The following FSIP1 variants were observed in gnomAD, a reference collection of about 807,000 sequenced individuals.
FSIP1 encodes fibrous sheath-interacting protein 1.
In FSIP1, 65 loss-of-function variants were observed where a neutral mutation model predicts 60.9. The ratio of observed to expected loss-of-function variants is 1.07; its 90% CI spans 0.87 to 1.31. The LOEUF (loss-of-function observed/expected upper bound fraction) is 1.31, where lower values mean the gene tolerates loss of function less well. Among genes scored for constraint, FSIP1 ranks in the 40% most tolerant of loss-of-function variants. FSIP1 has a pLI of 0.00. For missense variants in FSIP1, 675 were observed against 665.5 expected (o/e 1.01, Z -0.16); for synonymous variants, 209 against 221.2 (o/e 0.94, Z 0.49).
intron 10 of FSIP1, among the ~76,000 whole-genome samples, chr15:39,691,119 T>C (rs1315909459): frequency 6.6e-6 from 1 of 152,228 alleles, no homozygotes; most frequent in East Asian, 1.9e-4. Flanking sequence ...CCTGTCACTC[T>C]TCTCCCAGAA....
At chr15:39,678,321 A>ACAACC (rs1303672618) in intron 10 of FSIP1, among the ~76,000 whole-genome samples, 25 of 152,118 alleles carry the variant, frequency 1.6e-4, no homozygotes, top group Admixed American at 1.6e-3. Context: ...AAACTATCCG[A>ACAACC]CAACCACAAA....
chr15:39,675,087 T>G (rs572709003), intron 10 of FSIP1, among the ~76,000 whole-genome samples: 2 of 152,286 alleles, frequency 1.3e-5, no homozygotes, highest in South Asian at 4.1e-4. Flanking sequence ...AGTATTTGAA[T>G]AAATATTTGA....
In FSIP1 at chr15:39,737,995, C is replaced by T. The variant is rs112117372; in HGVS notation, c.891+96G>A. 564 of 736,962 alleles carry T rather than the reference C, an allele frequency of 7.7e-4. 3 individuals are homozygous for T. In the African/African-American group the frequency reaches 8.1e-3, roughly 11 times the overall value. 45.7% of individuals were successfully genotyped at this position (736,962 alleles called of 1,614,324 possible). A position where few individuals can be genotyped will look rare whatever the true frequency, so the allele number is the denominator to read the frequency against. On this transcript the variant is annotated intron_variant, in intron 8 of 11. Coordinates refer to ENST00000350221, the MANE Select transcript of FSIP1 (RefSeq NM_152597.5). ...AATCAAAGAATAATGTCTCAGAATC[C>T]GAAAAATTATTGTAAATTTATGATA...
chr15:39,620,353 C>T (rs1224884001), intron 10 of FSIP1, among the ~76,000 whole-genome samples: 1 of 152,058 alleles, frequency 6.6e-6, no homozygotes, highest in Non-Finnish European at 1.5e-5. Context: ...ACCATTACAG[C>T]AACCCAATAT....
intron 10 of FSIP1, among the ~76,000 whole-genome samples, chr15:39,679,491 T>A (rs1894075948): frequency 6.6e-6 from 1 of 152,058 alleles, no homozygotes; most frequent in Admixed American, 6.5e-5. Context: ...CATCCCAGCA[T>A]TTTGGGAGGC....
intron 10 of FSIP1, among the ~76,000 whole-genome samples, chr15:39,706,795 T>C (rs1895291287): frequency 6.6e-6 from 1 of 152,242 alleles, no homozygotes; most frequent in African/African-American, 2.4e-5. Flanking sequence ...ATATGTATAT[T>C]GTTCCAGGAC....
chr15:39,734,100 C>A (rs954992714), intron 8 of FSIP1, among the ~76,000 whole-genome samples: 9 of 152,078 alleles, frequency 5.9e-5, no homozygotes, highest in African/African-American at 2.2e-4. Flanking sequence ...AAGACACACA[C>A]AAATATAATC....
At chr15:39,719,728 A>T (rs998926241) in intron 9 of FSIP1, among the ~76,000 whole-genome samples, 1 of 152,234 alleles carries the variant, frequency 6.6e-6, no homozygotes, top group Admixed American at 6.5e-5. Flanking sequence ...TACCAAAAGC[A>T]GGGAAAAAGA....
chr15:39,627,830 A>G (rs957419888), intron 10 of FSIP1, among the ~76,000 whole-genome samples: 2 of 152,340 alleles, frequency 1.3e-5, no homozygotes, highest in African/African-American at 4.8e-5. Context: ...TCACTAATGA[A>G]GCAGCAGCAA....
chr15:39,765,741 G>C lies in FSIP1; in HGVS notation c.316C>G (p.Pro106Ala), dbSNP rs765408106. 1.3e-6 allele frequency: 2 copies of C among 1,507,024 alleles called. No individual in the cohort carries two copies. The highest frequency in any genetic ancestry group is 4.6e-5 in the East Asian group (2 of 43,808). 93.4% of individuals were successfully genotyped at this position (1,507,024 alleles called of 1,614,324 possible). ...HQIISECSDE[P>A]KLKELDSQLQ... is the part of the protein sequence containing the mutation. ...TGAGAATCTAATTCTTTTAATTTGG[G>C]TTCATCTATATTGTGTTGAAAGTAA... The change falls in exon 4 of 12, where the codon CCC (proline) becomes GCC (alanine). Residue 106 changes from proline (P) to alanine (A), a missense_variant. Coordinates refer to ENST00000350221, the MANE Select transcript of FSIP1 (RefSeq NM_152597.5).
At chr15:39,648,977 T>C (rs1311369602) in intron 10 of FSIP1, among the ~76,000 whole-genome samples, 2 of 152,100 alleles carry the variant, frequency 1.3e-5, no homozygotes, top group African/African-American at 2.4e-5. Flanking sequence ...TTGTAACTTA[T>C]GGAAAATATT....
At chr15:39,617,303 A>G (rs1452391215) in intron 11 of FSIP1, among the ~76,000 whole-genome samples, 1 of 152,224 alleles carries the variant, frequency 6.6e-6, no homozygotes, top group Non-Finnish European at 1.5e-5. Flanking sequence ...GTGGCTCAGG[A>G]GAGGAGGTTT....
intron 8 of FSIP1, among the ~76,000 whole-genome samples, chr15:39,736,958 C>T (rs145928021): frequency 6.6e-6 from 1 of 152,098 alleles, no homozygotes; most frequent in East Asian, 1.9e-4. Context: ...CAGGGAAATT[C>T]TCAGGGGAAG....
intron 7 of FSIP1, 74 bp downstream of exon 7, chr15:39,739,591 C>T (rs937162067): frequency 7.5e-7 from 1 of 1,330,866 alleles, no homozygotes; most frequent in Non-Finnish European, 1.0e-6. Flanking sequence ...TTTAAAGACA[C>T]TGAACAAAAC....
chr15:39,725,436 C>G (rs1896150794), intron 9 of FSIP1, among the ~76,000 whole-genome samples: 1 of 152,188 alleles, frequency 6.6e-6, no homozygotes. Flanking sequence ...TTCCTTGGAA[C>G]ACCTTCACAC....
rs186091205 is a variant in FSIP1, at chr15:39,622,892, C to T, written c.1189-4647G>A. On this transcript the variant is annotated intron_variant, in intron 10 of 11. Coordinates refer to ENST00000350221, the MANE Select transcript of FSIP1 (RefSeq NM_152597.5). ...ATTCTATCAGATACAGAAACTCTCCCCGCAGAACAGTTTACTTAACTTGGG... is the reference window on the plus strand; with the variant it reads ...ATTCTATCAGATACAGAAACTCTCCTCGCAGAACAGTTTACTTAACTTGGG... Among the ~76,000 whole-genome samples the T allele has an allele frequency of 5.9e-5, 9 of 152,324 alleles. No individual in the cohort carries two copies. The East Asian group carries it at 1.7e-3, about 29-fold the overall frequency.
intron 5 of FSIP1, among the ~76,000 whole-genome samples, chr15:39,761,498 T>C (rs2140697611): frequency 6.6e-6 from 1 of 152,286 alleles, no homozygotes; most frequent in African/African-American, 2.4e-5. Context: ...CATGTTCCCA[T>C]TTATATGTGG....
intron 2 of FSIP1, among the ~76,000 whole-genome samples, chr15:39,776,084 G>T (rs372025998): frequency 7.4e-6 from 1 of 134,688 alleles, no homozygotes; most frequent in Non-Finnish European, 1.6e-5. Flanking sequence ...ACAGTGCAGA[G>T]AAATAAACCA....
At chr15:39,727,098 C>A (rs1456955036) in intron 8 of FSIP1, among the ~76,000 whole-genome samples, 1 of 152,040 alleles carries the variant, frequency 6.6e-6, no homozygotes, top group Non-Finnish European at 1.5e-5. Flanking sequence ...TCAGGTTTAC[C>A]CTGTAATGGG....
Sources: allele counts gnomAD v4.1 joint callset (sites outside exome capture counted in the v4.1 genomes callset), GRCh38; gene constraint gnomAD v4.1.1; transcripts MANE v1.5; gene names NCBI Gene and HGNC (gene_info 2026-07-23, HGNC 2026-07-21).